The following ANAPC15 variants were observed in gnomAD, a reference collection of about 807,000 sequenced individuals.
ANAPC15 encodes anaphase-promoting complex subunit 15.
Under a neutral mutation model 19.8 loss-of-function variants are expected in ANAPC15, and 13 were observed. The observed-to-expected ratio is 0.66, with a 90% confidence interval of 0.43 to 1.04. The LOEUF (loss-of-function observed/expected upper bound fraction) is 1.04, where lower values mean the gene tolerates loss of function less well. ANAPC15 is among the 50% of genes least tolerant of loss of function. The pLI is 0.00. For synonymous variants in ANAPC15, 45 were observed against 50.7 expected, an observed-to-expected ratio of 0.89 and a Z score of 0.47; for missense variants, 88 against 150.3, an observed-to-expected ratio of 0.59 and a Z score of 2.17.
downstream of ANAPC15, chr11:72,107,821 G>T (rs1319102329): frequency 1.5e-6 from 2 of 1,300,052 alleles, no homozygotes; most frequent in Non-Finnish European, 2.2e-6. Context: ...GACCCCGGCT[G>T]GTTGGGAGCT....
At position 72,109,782 on chromosome 11, in the gene ANAPC15, G is replaced by A; in HGVS notation, c.*99C>T. 6.8e-7 allele frequency: 1 copy of A among 1,476,800 alleles called. No individual in the cohort carries two copies. The highest frequency in any genetic ancestry group is 9.5e-7 in the Non-Finnish European group (1 of 1,058,076). 91.5% of individuals were successfully genotyped at this position (1,476,800 alleles called of 1,614,324 possible). A position where few individuals can be genotyped will look rare whatever the true frequency, so the allele number is the denominator to read the frequency against. The stretch of plus-strand genomic sequence containing the variant: ...GTGCCCAAGGGCACTTTCAGGCACT[G>A]GGGCCATCAGCTGGTTCTGTGGGCA... On this transcript the variant is annotated 3_prime_UTR_variant, in exon 6 of 6. Coordinates refer to ENST00000227618, the MANE Select transcript of ANAPC15 (RefSeq NM_014042.3).
intron 1 of ANAPC15, chr11:72,112,194 A>C (rs1947189448): frequency 6.5e-6 from 1 of 153,736 alleles, no homozygotes; most frequent in African/African-American, 2.4e-5. Context: ...CAACCCGCGT[A>C]ATTAGGCACG....
rs138271743 is a variant in ANAPC15 at position 72,110,589 on chromosome 11, C to T, written c.135G>A (p.Ala45=). 2.0e-5 allele frequency: 32 copies of T among 1,614,186 alleles called. No homozygotes were observed. The highest frequency in any genetic ancestry group is 1.6e-4 in the Middle Eastern group (1 of 6,062). The change falls in exon 4 of 6, where the codon GCG becomes GCA. Residue 45 remains alanine, a synonymous_variant. Transcript: ENST00000227618. The part of the protein sequence containing the change: ...QQHQAWLQSI[A]EKDNNLVPIG... The stretch of plus-strand genomic sequence containing the variant: ...TAGGAACCAGGTTGTTGTCTTTCTC[C>T]GCGATGCTTTGGAGCTGTGGGCAAA...
At position 72,109,611 on chromosome 11, in the gene ANAPC15, T is replaced by TTA; in HGVS notation, c.*268_*269dup. On this transcript the variant is annotated 3_prime_UTR_variant, in exon 6 of 6. Transcript: ENST00000227618. ...GTGGAAAATCACTCCTTTGTCTTTATTAAAGAAACTTAGACCAGACCTGGC... is the reference window on the plus strand; with the variant it reads ...GTGGAAAATCACTCCTTTGTCTTTATTATAAAGAAACTTAGACCAGACCTGGC... The TTA allele has an allele frequency of 1.7e-6, 1 of 577,120 alleles. No homozygotes were observed. The highest frequency in any genetic ancestry group is 3.1e-6 in the Non-Finnish European group (1 of 322,586). 35.7% of individuals were successfully genotyped at this position (577,120 alleles called of 1,614,324 possible).
Position 72,109,596 on chromosome 11 carries a change from A to T in ANAPC15, c.*285T>A. 1 of 549,486 alleles carries T rather than the reference A, an allele frequency of 1.8e-6. No homozygotes were observed. Among genetic ancestry groups the T allele is most frequent in the Non-Finnish European group, 3.3e-6 (1 of 305,054 alleles). The allele number at this position is 549,486 out of a possible 1,614,324, so 34.0% of individuals were successfully genotyped here. ...AGGGAATAGACATGGGTGGAAAATC[A>T]CTCCTTTGTCTTTATTAAAGAAACT... On this transcript the variant is annotated 3_prime_UTR_variant, in exon 6 of 6. Coordinates refer to ENST00000227618, the MANE Select transcript of ANAPC15 (RefSeq NM_014042.3).
chr11:72,110,687 G>T, intron 3 of ANAPC15, 84 bp from the exon 4 acceptor site: 1 of 1,483,010 alleles, frequency 6.7e-7, no homozygotes, highest in South Asian at 1.2e-5. Flanking sequence ...CTGCCCAGAA[G>T]ACAACCCACA....
downstream of ANAPC15, chr11:72,109,164 A>C: frequency 1.8e-6 from 1 of 545,202 alleles, no homozygotes; most frequent in East Asian, 3.2e-5. Context: ...ACTGACAGCA[A>C]GAAGCCTGAG....
At chr11:72,107,180 T>C (rs1591189754), downstream of ANAPC15, 3 of 470,024 alleles carry the variant, frequency 6.4e-6, no homozygotes, top group Admixed American at 4.1e-5. Flanking sequence ...GGTGGGAGGA[T>C]TGCCTGAGCC....
downstream of ANAPC15, among the ~76,000 whole-genome samples, chr11:72,108,424 C>T (rs534909771): frequency 6.6e-6 from 1 of 152,370 alleles, no homozygotes; most frequent in African/African-American, 2.4e-5. Context: ...ACCTTAGCTT[C>T]TTCAGAATGG....
At chr11:72,107,864 T>G, downstream of ANAPC15, 1 of 1,538,240 alleles carries the variant, frequency 6.5e-7, no homozygotes, top group East Asian at 2.5e-5. Context: ...GAGATATCTT[T>G]TATCAGGGGC....
At position 72,111,255 on chromosome 11, in the gene ANAPC15, G is replaced by C. The variant is rs1322876580; in HGVS notation, c.22C>G (p.Leu8Val). The change falls in exon 3 of 6, where the codon CTC becomes GTC. Residue 8 changes from leucine to valine, a missense_variant. Transcript: ENST00000227618. The stretch of plus-strand genomic sequence containing the variant: ...AGAGTCTCAGTCACACGAGGGAAGA[G>C]TGAGGGGAACAAAGTGGACATGGCT... Reference protein sequence around the residue: MSTLFPSLFPRVTETLWF... With the variant: MSTLFPSVFPRVTETLWF... 3.1e-6 allele frequency: 5 copies of C among 1,613,882 alleles called. No homozygotes were observed. The highest frequency in any genetic ancestry group is 1.7e-5 in the Admixed American group (1 of 60,022).
At chr11:72,109,462 C>T (rs1946123336), downstream of ANAPC15, 1 of 400,520 alleles carries the variant, frequency 2.5e-6, no homozygotes, top group Admixed American at 3.2e-5. Context: ...CCCTGGCCTT[C>T]CCTAACTCTG....
chr11:72,108,383 C>A (rs1022392755), downstream of ANAPC15, among the ~76,000 whole-genome samples: 1 of 152,192 alleles, frequency 6.6e-6, no homozygotes, highest in Non-Finnish European at 1.5e-5. Flanking sequence ...TTGTTAGCTA[C>A]GTGACCTTGA....
intron 3 of ANAPC15, 38 bp downstream of exon 3, chr11:72,111,119 G>GTGCTGGGGTCTCTGACTA: frequency 7.3e-7 from 1 of 1,371,950 alleles, no homozygotes; most frequent in African/African-American, 1.5e-5. Flanking sequence ...GTCTCTGTCT[G>GTGCTGGGGTCTCTGACTA]TGCTGAGGTC....
Position 72,109,658 on chromosome 11 carries a change from C to T in ANAPC15, c.*223G>A. The T allele has an allele frequency of 1.6e-6, 1 of 613,254 alleles. No individual in the cohort carries two copies. The highest frequency in any genetic ancestry group is 2.9e-5 in the Admixed American group (1 of 34,770). 38.0% of individuals were successfully genotyped at this position (613,254 alleles called of 1,614,324 possible). A position where few individuals can be genotyped will look rare whatever the true frequency, so the allele number is the denominator to read the frequency against. ...TGGCAATCAAGGGGTGAGGTACTGG[C>T]CAGGAAGGTGGAGTAGGTTTCAGGC... On this transcript the variant is annotated 3_prime_UTR_variant, in exon 6 of 6. Transcript: ENST00000227618.
chr11:72,111,229 C>A lies in ANAPC15; in HGVS notation c.48G>T (p.Leu16=), dbSNP rs202171877. The A allele has an allele frequency of 6.2e-7, 1 of 1,614,148 alleles. No homozygotes were observed. ...CACAGGGTCGATCCAGATTAAACCA[C>A]AGAGTCTCAGTCACACGAGGGAAGA... ...PSLFPRVTET[L]WFNLDRPCVE... is the part of the protein sequence containing the mutation. Residue 16 remains leucine, a synonymous_variant, in exon 3 of 6, where the codon CTG becomes CTT. Coordinates refer to ENST00000227618, the MANE Select transcript of ANAPC15 (RefSeq NM_014042.3).
chr11:72,112,145 C>G (rs533935786), intron 1 of ANAPC15: 3 of 154,118 alleles, frequency 1.9e-5, no homozygotes, highest in Middle Eastern at 3.4e-3. Flanking sequence ...TCTGACCGAC[C>G]CAGGGCCAGC....
downstream of ANAPC15, chr11:72,107,778 G>A: frequency 1.2e-6 from 1 of 803,090 alleles, no homozygotes; most frequent in South Asian, 1.7e-5. Context: ...GGACCAGGAG[G>A]GCAGCTGGGG....
At chr11:72,108,488 G>A (rs1174478952), downstream of ANAPC15, 3 of 846,488 alleles carry the variant, frequency 3.5e-6, no homozygotes, top group Non-Finnish European at 5.2e-6. Context: ...GGAAATGTGA[G>A]AACACTCATG....
Sources: allele counts gnomAD v4.1 joint callset (sites outside exome capture counted in the v4.1 genomes callset), GRCh38; gene constraint gnomAD v4.1.1; transcripts MANE v1.5; gene names NCBI Gene and HGNC (gene_info 2026-07-23, HGNC 2026-07-21).